Variants in RPUSD1 observed in about 807,000 individuals in gnomAD.
RPUSD1 encodes pseudouridylate synthase RPUSD1.
RPUSD1 carries 28 observed loss-of-function variants against 22.4 expected under a neutral mutation model. That is an observed-to-expected ratio of 1.25 (90% CI 0.93 to 1.72). RPUSD1 has a LOEUF of 1.72. Ranked by LOEUF, RPUSD1 falls within the 40% of genes most tolerant of loss-of-function variation. The probability of loss-of-function intolerance (pLI) is 0.00; values close to 1 mark genes in which losing one functional copy is unlikely to be tolerated. For missense variants in RPUSD1, 596 were observed against 442.2 expected (o/e 1.35, Z -3.12); for synonymous variants, 298 against 201.0 (o/e 1.48, Z -4.08).
In RPUSD1 at chr16:786,873, C is replaced by T. The variant is rs868520388; in HGVS notation, c.465G>A (p.Leu155=). ...CTTTGGAGACAGGATCGCCTGCGTA[C>T]AGCCCGTGTTCCAGAACCACGAGAT... ...LTDLVVLEHG[L]YAGDPVSKVL... The change falls in exon 5 of 6, where the codon CTG becomes CTA. Residue 155 remains leucine, a synonymous_variant. Transcript: ENST00000007264. 3.7e-6 allele frequency: 6 copies of T among 1,613,368 alleles called. No individual in the cohort carries two copies. In the Middle Eastern group the frequency reaches 8.2e-4, roughly 222 times the overall value.
At chr16:787,516 T>C in intron 2 of RPUSD1, 39 bp from the exon 3 acceptor site, 1 of 1,599,098 alleles carries the variant, frequency 6.3e-7, no homozygotes, top group Non-Finnish European at 8.5e-7. Flanking sequence ...GCCACTTTCC[T>C]CCACAGACGC....
In RPUSD1 at chr16:787,395, A is replaced by G; in HGVS notation, c.265T>C (p.Cys89Arg). 6.3e-7 allele frequency: 1 copy of G among 1,589,722 alleles called. No individual in the cohort carries two copies. The highest frequency in any genetic ancestry group is 8.6e-7 in the Non-Finnish European group (1 of 1,168,362). ...TTGGTCACGCGCCGCTCCTTGAAGC[A>G]CCTGTACGCGCTGCCGGCGGCTGCC... ...NKAAAGSAYR[C>R]FKERRVTKAY... Residue 89 changes from cysteine (C) to arginine (R), a missense_variant, in exon 3 of 6, where the codon TGC becomes CGC. Physicochemically the swap from Cys to Arg is radical, Grantham distance 180. Coordinates refer to ENST00000007264, the MANE Select transcript of RPUSD1 (RefSeq NM_058192.3).
In RPUSD1 at chr16:786,817, CCA is replaced by C; in HGVS notation, c.511+8_511+9del. 1 of 1,609,680 alleles carries C rather than the reference CCA, an allele frequency of 6.2e-7. No homozygotes were observed. Among genetic ancestry groups the C allele is most frequent in the Non-Finnish European group, 8.5e-7 (1 of 1,176,752 alleles). On this transcript the variant is annotated splice_region_variant and intron_variant, in intron 5 of 5. Transcript: ENST00000007264. The stretch of plus-strand genomic sequence containing the variant: ...TGTCACCACCAGGACACCGCCCACC[CCA>C]GACACACCCGTGAGCGGCTTCAGCA...
chr16:787,363 G>A lies in RPUSD1; in HGVS notation c.297C>T (p.Tyr99=), dbSNP rs376925630. The change falls in exon 3 of 6, where the codon TAC becomes TAT. Residue 99 remains tyrosine, a synonymous_variant. Coordinates refer to ENST00000007264, the MANE Select transcript of RPUSD1 (RefSeq NM_058192.3). ...ACTGACCAGGTCTTACCAATGCCAG[G>A]TAAGCCTTGGTCACGCGCCGCTCCT... ...CFKERRVTKA[Y]LALLRGHIQE... The A allele has an allele frequency of 2.0e-5, 32 of 1,585,072 alleles. No homozygotes were observed. The African/African-American group carries it at 3.5e-4, about 17-fold the overall frequency.
chr16:786,130 G>A lies in RPUSD1; in HGVS notation c.759C>T (p.Ala253=), dbSNP rs1337647445. Residue 253 remains alanine (A), a synonymous_variant, in exon 6 of 6, where the codon GCC becomes GCT. Transcript: ENST00000007264. ...LLQSLDQLVQ[A]LRATPDPDPE... ...GGTCAGGGTCGGGGGTGGCCCGTAA[G>A]GCCTGCACGAGCTGGTCCAGCGACT... 6.2e-7 allele frequency: 1 copy of A among 1,606,664 alleles called. No individual in the cohort carries two copies. Among genetic ancestry groups the A allele is most frequent in the Admixed American group, 1.7e-5 (1 of 59,882 alleles).
At position 785,845 on chromosome 16, in the gene RPUSD1, T is replaced by C. The variant is rs574744706; in HGVS notation, c.*105A>G. ...CGGGGCAACCCAGTGGGCCTGATGC[T>C]GCCTGGCACCTCGAGGCCCCAGAGC... On this transcript the variant is annotated 3_prime_UTR_variant, in exon 6 of 6. Transcript: ENST00000007264. The C allele has an allele frequency of 2.9e-5, 32 of 1,088,442 alleles. No homozygotes were observed. The Admixed American group carries it at 8.3e-4, about 28-fold the overall frequency. 67.4% of individuals were successfully genotyped at this position (1,088,442 alleles called of 1,614,324 possible).
chr16:787,582 G>C lies in RPUSD1; in HGVS notation c.156C>G (p.Ala52=). ...TGAACCCGTAGCAGGTGTCAGGGTC[G>C]GCCAGCTCGGGAAAGCGGTACCGCA... ...KQLRYRFPEL[A]DPDTCYGFRF... is the part of the protein sequence containing the mutation. The change falls in exon 2 of 6, where the codon GCC becomes GCG. Residue 52 remains alanine (A), a synonymous_variant. Coordinates refer to ENST00000007264, the MANE Select transcript of RPUSD1 (RefSeq NM_058192.3). The C allele has an allele frequency of 6.2e-7, 1 of 1,611,044 alleles. No individual in the cohort carries two copies. The highest frequency in any genetic ancestry group is 1.7e-5 in the Admixed American group (1 of 59,992).
At chr16:787,930 AAG>A (rs977908263) in intron 1 of RPUSD1, 186 bp from the exon 2 acceptor site, 1 of 625,358 alleles carries the variant, frequency 1.6e-6, no homozygotes, top group Non-Finnish European at 2.8e-6. Flanking sequence ...CTGGGGAGTC[AAG>A]GAGTCAGCCT....
Position 786,070 on chromosome 16 carries a change from G to C in RPUSD1, c.819C>G (p.Ser273=), listed in dbSNP as rs201534523. The C allele has an allele frequency of 7.1e-6, 11 of 1,557,112 alleles. No individual in the cohort carries two copies. The African/African-American group carries it at 1.2e-4, about 17-fold the overall frequency. Residue 273 remains serine, a synonymous_variant, in exon 6 of 6, where the codon TCC becomes TCG. Transcript: ENST00000007264. Reference sequence around the variant, plus strand: ...GCCGGCCGGGCCCAGGCAGGAGTGCGGAGGGGCTGCCTGGCCTGGGGCCCC... The same window carrying C: ...GCCGGCCGGGCCCAGGCAGGAGTGCCGAGGGGCTGCCTGGCCTGGGGCCCC... ...EDRGPRPGSP[S]ALLPGPGRPP... is the part of the protein sequence containing the mutation.
In RPUSD1 at chr16:785,222, GGGCGTGCGTGGC is replaced by G. The variant is rs1345593355; in HGVS notation, c.*716_*727del. The G allele has an allele frequency of 1.4e-4, 21 of 152,412 alleles. No homozygotes were observed. Among genetic ancestry groups the G allele is most frequent in the African/African-American group, 5.1e-4 (21 of 41,468 alleles). The allele number at this position is 152,412 out of a possible 1,614,324, so 9.4% of individuals were successfully genotyped here. A position where few individuals can be genotyped will look rare whatever the true frequency, so the allele number is the denominator to read the frequency against. On this transcript the variant is annotated 3_prime_UTR_variant, in exon 6 of 6. Transcript: ENST00000007264. ...GGTGCTCACAGTGGATCTGAGGGAT[GGGCGTGCGTGGC>G]AGGGCCTTGGCCATGGCCCCTGACC...
chr16:787,923 G>A (rs941137449), intron 1 of RPUSD1, 179 bp from the exon 2 acceptor site: 16 of 634,444 alleles, frequency 2.5e-5, no homozygotes, highest in South Asian at 1.9e-4. Flanking sequence ...GCGTCAGCTG[G>A]GGAGTCAAGG....
chr16:787,237 C>A (rs1262593848), intron 3 of RPUSD1, 58 bp from the exon 4 acceptor site: 1 of 1,554,528 alleles, frequency 6.4e-7, no homozygotes, highest in Non-Finnish European at 8.7e-7. Context: ...TGCCGGGGAG[C>A]CCACCTAACA....
rs770740241 is a variant in RPUSD1 at position 787,545 on chromosome 16, GC to G, written c.182+10del. The G allele has an allele frequency of 2.1e-5, 34 of 1,607,418 alleles. 2 individuals are homozygous for G. In the Middle Eastern group the frequency reaches 1.5e-3, roughly 70 times the overall value. On this transcript the variant is annotated intron_variant, in intron 2 of 5. Transcript: ENST00000007264. ...CAGACGCCACCGTGGGGCTCCGGCC[GC>G]CCCCCCTACCTGAACCCGTAGCAGG... is the stretch of plus-strand genomic sequence containing the variant.
intron 1 of RPUSD1, 184 bp downstream of exon 1, chr16:788,072 G>T: frequency 2.0e-6 from 1 of 492,670 alleles, no homozygotes; most frequent in Non-Finnish European, 3.8e-6. Context: ...CTGCCCGACG[G>T]TGGGGGCGGG....
In RPUSD1 at chr16:786,287, T is replaced by A; in HGVS notation, c.602A>T (p.Asp201Val). Residue 201 changes from aspartate (D) to valine (V), a missense_variant, in exon 6 of 6, where the codon GAC (aspartate) becomes GTC (valine). Coordinates refer to ENST00000007264, the MANE Select transcript of RPUSD1 (RefSeq NM_058192.3). ...LTYGEVSGREDRPFRMMLHAF... is the reference protein window; with the variant it reads ...LTYGEVSGREVRPFRMMLHAF... ...GTGCAGCATCATTCTGAACGGCCGG[T>A]CCTCCCGGCCCGAGACTTCTCCGTA... 6.2e-7 allele frequency: 1 copy of A among 1,612,660 alleles called. No homozygotes were observed. The highest frequency in any genetic ancestry group is 1.1e-5 in the South Asian group (1 of 91,088).
In RPUSD1 at chr16:787,598, CG is replaced by C; in HGVS notation, c.139del (p.Arg47AlafsTer32). The C allele has an allele frequency of 8.1e-6, 13 of 1,611,306 alleles. No individual in the cohort carries two copies. The highest frequency in any genetic ancestry group is 1.0e-5 in the Non-Finnish European group (12 of 1,179,912). ...TLTLQKQLRY[R>X]FPELADPDTC... is the part of the protein sequence containing the mutation. ...GTCAGGGTCGGCCAGCTCGGGAAAGCGGTACCGCAGCTGCTTCTGCAGGGTC... is the reference window on the plus strand; with the variant it reads ...GTCAGGGTCGGCCAGCTCGGGAAAGCGTACCGCAGCTGCTTCTGCAGGGTC... On this transcript the variant is annotated frameshift_variant, in exon 2 of 6. Coordinates refer to ENST00000007264, the MANE Select transcript of RPUSD1 (RefSeq NM_058192.3). LOFTEE classifies it high-confidence loss of function.
chr16:786,430 C>T (rs2041915218), intron 5 of RPUSD1, 53 bp from the exon 6 acceptor site: 1 of 1,548,260 alleles, frequency 6.5e-7, no homozygotes, highest in Non-Finnish European at 8.7e-7. Context: ...CGATCCACAC[C>T]TATCTCCCTG....
At chr16:786,446 G>A in intron 5 of RPUSD1, 69 bp from the exon 6 acceptor site, 1 of 1,493,380 alleles carries the variant, frequency 6.7e-7, no homozygotes, top group Non-Finnish European at 9.1e-7. Context: ...CCCTGACCAG[G>A]ACCCACCTCC....
rs1390854344 is a variant in RPUSD1, at chr16:785,057, AGAG to A, written c.*890_*892del. The A allele has an allele frequency of 2.6e-5, 4 of 152,418 alleles. No homozygotes were observed. The highest frequency in any genetic ancestry group is 5.9e-5 in the Non-Finnish European group (4 of 68,138). The allele number at this position is 152,418 out of a possible 1,614,324, so 9.4% of individuals were successfully genotyped here. ...GAGCCCAGGTTGTGGCATGGGGGACAGAGGAGGTGGGACCTGGCAGACCCACAG... is the reference window on the plus strand; with the variant it reads ...GAGCCCAGGTTGTGGCATGGGGGACAGAGGTGGGACCTGGCAGACCCACAG... On this transcript the variant is annotated 3_prime_UTR_variant, in exon 6 of 6. Coordinates refer to ENST00000007264, the MANE Select transcript of RPUSD1 (RefSeq NM_058192.3).
Sources: allele counts gnomAD v4.1 joint callset, GRCh38; gene constraint gnomAD v4.1.1; transcripts MANE v1.5; gene names NCBI Gene and HGNC (gene_info 2026-07-23, HGNC 2026-07-21).